The following SRSF12 variants were observed in gnomAD, a reference collection of about 807,000 sequenced individuals.
SRSF12 encodes serine and arginine rich splicing factor 12, also known as serine/arginine-rich splicing factor 12.
SRSF12 carries 21 observed loss-of-function variants against 34.1 expected under a neutral mutation model. The ratio of observed to expected loss-of-function variants is 0.62; its 90% CI spans 0.44 to 0.89. The LOEUF (loss-of-function observed/expected upper bound fraction) is 0.89. Ranked by LOEUF, SRSF12 falls within the 40% of genes least tolerant of loss-of-function variation. SRSF12 has a pLI of 0.00. For missense variants in SRSF12, 278 were observed against 327.8 expected, an observed-to-expected ratio of 0.85 and a Z score of 1.17; for synonymous variants, 111 against 110.8, an observed-to-expected ratio of 1.00 and a Z score of -0.01.
At chr6:89,106,386 T>G in intron 2 of SRSF12, among the ~76,000 whole-genome samples, 1 of 152,324 alleles carries the variant, frequency 6.6e-6, no homozygotes, top group Non-Finnish European at 1.5e-5. Flanking sequence ...GTGCTGGGAT[T>G]ACAGGCATGA....
At chr6:89,103,875 T>C (rs1768653035) in intron 4 of SRSF12, among the ~76,000 whole-genome samples, 1 of 152,242 alleles carries the variant, frequency 6.6e-6, no homozygotes, top group East Asian at 1.9e-4. Flanking sequence ...CTATTTAATA[T>C]GTCTTCTTCA....
Position 89,105,227 on chromosome 6 carries a change from G to C in SRSF12, c.308C>G (p.Pro103Arg), listed in dbSNP as rs369304963. The C allele has an allele frequency of 6.2e-7, 1 of 1,611,428 alleles. No individual in the cohort carries two copies. Among genetic ancestry groups the C allele is most frequent in the African/African-American group, 1.3e-5 (1 of 74,884 alleles). Residue 103 changes from proline (P) to arginine (R), a missense_variant, in exon 4 of 5, where the codon CCT becomes CGT. Coordinates refer to ENST00000452027, the MANE Select transcript of SRSF12 (RefSeq NM_080743.5). ...TCTCCTGTGATCACTTGGAGAACAA[G>C]GATGACGTTCTTTTGATTTCATTTG... ...PGQMKSKERH[P>R]CSPSDHRRSR...
chr6:89,112,863 TA>T, intron 1 of SRSF12, among the ~76,000 whole-genome samples: 1 of 152,304 alleles, frequency 6.6e-6, no homozygotes, highest in East Asian at 1.9e-4. Flanking sequence ...GTGTACCTTT[TA>T]AAAAATCTTT....
intron 1 of SRSF12, among the ~76,000 whole-genome samples, chr6:89,116,849 A>G (rs1451887350): frequency 6.6e-6 from 1 of 152,086 alleles, no homozygotes; most frequent in African/African-American, 2.4e-5. Flanking sequence ...TATAATACTC[A>G]TCTCAGATGA....
At chr6:89,106,209 T>G (rs937866504) in intron 2 of SRSF12, among the ~76,000 whole-genome samples, 11 of 151,998 alleles carry the variant, frequency 7.2e-5, no homozygotes, top group African/African-American at 2.7e-4. Context: ...TAAGCCCAGG[T>G]TCAAGAGATT....
At chr6:89,113,934 T>C (rs993278636) in intron 1 of SRSF12, among the ~76,000 whole-genome samples, 1 of 152,218 alleles carries the variant, frequency 6.6e-6, no homozygotes, top group Non-Finnish European at 1.5e-5. Flanking sequence ...TGAGCCACTG[T>C]GCCCTATCTT....
intron 4 of SRSF12, among the ~76,000 whole-genome samples, chr6:89,099,544 T>TC (rs1339373849): frequency 2.0e-5 from 3 of 150,366 alleles, no homozygotes; most frequent in Non-Finnish European, 4.4e-5. Flanking sequence ...ACATGTTTTT[T>TC]TTTTTTTTGA....
intron 4 of SRSF12, among the ~76,000 whole-genome samples, chr6:89,099,807 T>A (rs962334192): frequency 6.6e-6 from 1 of 152,128 alleles, no homozygotes; most frequent in African/African-American, 2.4e-5. Flanking sequence ...AGTGCTGGGA[T>A]TACAGGCGTG....
intron 4 of SRSF12, among the ~76,000 whole-genome samples, chr6:89,100,783 G>A (rs1768504390): frequency 6.6e-6 from 1 of 152,100 alleles, no homozygotes; most frequent in Non-Finnish European, 1.5e-5. Context: ...TCATTAGATG[G>A]TCTTAACAGC....
chr6:89,099,488 G>GTA (rs1260370181), intron 4 of SRSF12, among the ~76,000 whole-genome samples: 2 of 135,034 alleles, frequency 1.5e-5, no homozygotes, highest in Admixed American at 7.5e-5. Context: ...ATATGTGTGT[G>GTA]TATATATATA....
rs765026803 is a variant in SRSF12 at position 89,117,862 on chromosome 6, T to A, written c.26A>T (p.Asn9Ile). The A allele has an allele frequency of 2.6e-6, 4 of 1,561,898 alleles. No homozygotes were observed. The highest frequency in any genetic ancestry group is 3.5e-6 in the Non-Finnish European group (4 of 1,156,428). The change falls in exon 1 of 5, where the codon AAC (asparagine) becomes ATC (isoleucine). Residue 9 changes from asparagine to isoleucine, a missense_variant. Transcript: ENST00000452027. MSRYTRPPNTSLFIRNVAD... is the reference protein window; with the variant it reads MSRYTRPPITSLFIRNVAD... ...GACGTTCCTGATGAACAGGGAGGTG[T>A]TGGGGGGCCTCGTGTAGCGAGACAT... is the stretch of plus-strand genomic sequence containing the variant.
intron 1 of SRSF12, among the ~76,000 whole-genome samples, chr6:89,109,336 G>C (rs1227560569): frequency 6.6e-6 from 1 of 152,158 alleles, no homozygotes; most frequent in Non-Finnish European, 1.5e-5. Flanking sequence ...GCATATCTCT[G>C]TACCTAATGT....
chr6:89,102,344 A>G (rs1768576591), intron 4 of SRSF12, among the ~76,000 whole-genome samples: 1 of 152,114 alleles, frequency 6.6e-6, no homozygotes. Flanking sequence ...GGGTTTCGCC[A>G]TGTTGGCCAG....
chr6:89,106,951 T>C (rs771583371), intron 2 of SRSF12: 1 of 617,434 alleles, frequency 1.6e-6, no homozygotes, highest in South Asian at 1.5e-5. Flanking sequence ...CCTGCTGGGT[T>C]TATGCTTGGA....
At chr6:89,115,100 C>G (rs762039184) in intron 1 of SRSF12, among the ~76,000 whole-genome samples, 108 of 148,234 alleles carry the variant, frequency 7.3e-4, no homozygotes, top group Non-Finnish European at 6.5e-4. Context: ...CCGGCCACAG[C>G]TTTTATTTTT....
intron 4 of SRSF12, 109 bp from the exon 5 acceptor site, chr6:89,099,056 T>C: frequency 1.5e-6 from 2 of 1,294,584 alleles, no homozygotes; most frequent in Non-Finnish European, 2.1e-6. Context: ...ATATTTTTAC[T>C]AGATAAGCTA....
intron 4 of SRSF12, among the ~76,000 whole-genome samples, chr6:89,100,845 T>C (rs4593332): frequency 0.065 from 9,945 of 152,242 alleles, 960 homozygotes; most frequent in African/African-American, 0.21. Flanking sequence ...CAGTGGCTCA[T>C]GCCTGTAATC....
chr6:89,112,076 C>T (rs140873193), intron 1 of SRSF12, among the ~76,000 whole-genome samples: 2,321 of 150,698 alleles, frequency 0.015, 59 homozygotes, highest in African/African-American at 0.052. Flanking sequence ...GGCGTGATCT[C>T]GGCTCACTGC....
rs2127988335 is a variant in SRSF12, at chr6:89,096,469, A to G, written c.*2109T>C. On this transcript the variant is annotated 3_prime_UTR_variant, in exon 5 of 5. Coordinates refer to ENST00000452027, the MANE Select transcript of SRSF12 (RefSeq NM_080743.5). ...CAAGCATGTACTAAATGCTCAAAAG[A>G]GTTTGAGCTATTATCATTCCAGCTT... is the stretch of plus-strand genomic sequence containing the variant. 6.6e-6 allele frequency: 1 copy of G among 152,360 alleles called. No individual in the cohort carries two copies. The highest frequency in any genetic ancestry group is 1.9e-4 in the East Asian group (1 of 5,188). The allele number at this position is 152,360 out of a possible 1,614,324, so 9.4% of individuals were successfully genotyped here. A position where few individuals can be genotyped will look rare whatever the true frequency, so the allele number is the denominator to read the frequency against.
Sources: allele counts gnomAD v4.1 joint callset (sites outside exome capture counted in the v4.1 genomes callset), GRCh38; gene constraint gnomAD v4.1.1; transcripts MANE v1.5; gene names NCBI Gene and HGNC (gene_info 2026-07-23, HGNC 2026-07-21).